Variants in RNF182 observed in about 807,000 individuals in gnomAD.
The protein encoded by RNF182 is E3 ubiquitin-protein ligase RNF182.
A neutral mutation model predicts 14.4 loss-of-function variants in RNF182; 15 were observed. The observed-to-expected ratio is 1.04, with a 90% confidence interval of 0.70 to 1.60. The LOEUF (loss-of-function observed/expected upper bound fraction) is 1.60, where lower values mean the gene tolerates loss of function less well. RNF182 is among the 40% of genes most tolerant of loss of function. The probability of loss-of-function intolerance (pLI) is 0.00; values close to 1 mark genes in which losing one functional copy is unlikely to be tolerated. For synonymous variants in RNF182, 128 were observed against 122.9 expected, an observed-to-expected ratio of 1.04 and a Z score of -0.27; for missense variants, 268 against 294.8, an observed-to-expected ratio of 0.91 and a Z score of 0.67.
chr6:13,965,327 T>C (rs921421717), intron 1 of RNF182, among the ~76,000 whole-genome samples: 2 of 151,302 alleles, frequency 1.3e-5, no homozygotes, highest in Admixed American at 6.6e-5. Context: ...CAAAAGAAAA[T>C]AGATCCAGGA....
chr6:13,926,148 T>A (rs1180104691), intron 1 of RNF182, among the ~76,000 whole-genome samples: 1 of 152,206 alleles, frequency 6.6e-6, no homozygotes, highest in Non-Finnish European at 1.5e-5. Flanking sequence ...TAATCTAACA[T>A]ATAAAATTGT....
At chr6:13,949,055 A>C (rs1759515417) in intron 1 of RNF182, 5 of 634,110 alleles carry the variant, frequency 7.9e-6, no homozygotes, top group Non-Finnish European at 1.4e-5. Context: ...AGATTTTCAC[A>C]AACCTTTTAT....
chr6:13,953,603 A>T (rs749998980), intron 1 of RNF182, among the ~76,000 whole-genome samples: 1 of 152,206 alleles, frequency 6.6e-6, no homozygotes, highest in Non-Finnish European at 1.5e-5. Flanking sequence ...GGCGTAAGTC[A>T]GGGCCACTTA....
chr6:13,977,469 C>T lies in RNF182; in HGVS notation c.350C>T (p.Ser117Phe). Residue 117 changes from serine (S) to phenylalanine (F), a missense_variant, in exon 3 of 3, where the codon TCT (serine) becomes TTT (phenylalanine). By Grantham distance (155) the Ser-to-Phe change is radical (BLOSUM62 -2). Transcript: ENST00000488300. Reference sequence around the variant, plus strand: ...CTGCTCACCCCCAAGAGGCTGGCCTCTCTGGTCAGTCCTTCTCACACGTCC... The same window carrying T: ...CTGCTCACCCCCAAGAGGCTGGCCTTTCTGGTCAGTCCTTCTCACACGTCC... ...ELLLTPKRLA[S>F]LVSPSHTSSN... is the part of the protein sequence containing the mutation. 1 of 1,614,186 alleles carries T rather than the reference C, an allele frequency of 6.2e-7. No homozygotes were observed. The highest frequency in any genetic ancestry group is 8.5e-7 in the Non-Finnish European group (1 of 1,180,022).
Position 13,979,184 on chromosome 6 carries a change from T to TCAA in RNF182, c.*1321_*1322insCAA, listed in dbSNP as rs1760429617. 1.5e-4 allele frequency: 25 copies of TCAA among 167,068 alleles called. No individual in the cohort carries two copies. The highest frequency in any genetic ancestry group is 1.3e-3 in the Admixed American group (20 of 15,286). The allele number at this position is 167,068 out of a possible 1,614,324, so 10.3% of individuals were successfully genotyped here. On this transcript the variant is annotated 3_prime_UTR_variant, in exon 3 of 3. Transcript: ENST00000488300. ...ATCTAGGTGATTTGAGTTAATGAAC[T>TCAA]TCTTTTCATGATGTAGGGAAAGTTG...
At chr6:13,951,495 C>G in intron 1 of RNF182, among the ~76,000 whole-genome samples, 1 of 152,192 alleles carries the variant, frequency 6.6e-6, no homozygotes. Context: ...TCCCAGTGTG[C>G]CAAGAGCAGA....
chr6:13,925,364 A>AG (rs1758798389), intron 1 of RNF182: 1 of 152,086 alleles, frequency 6.6e-6, no homozygotes, highest in South Asian at 2.1e-4. Flanking sequence ...GGGGGAAAAA[A>AG]AGGTATGAAA....
At chr6:13,976,114 T>G (rs1156383244) in intron 2 of RNF182, among the ~76,000 whole-genome samples, 2 of 152,232 alleles carry the variant, frequency 1.3e-5, no homozygotes, top group African/African-American at 4.8e-5. Flanking sequence ...ATGTTGAGTA[T>G]TTCTTCATAG....
chr6:13,937,008 C>T (rs1157212671), intron 1 of RNF182, among the ~76,000 whole-genome samples: 2 of 151,986 alleles, frequency 1.3e-5, no homozygotes, highest in Admixed American at 6.6e-5. Flanking sequence ...ATTAGGAAGA[C>T]GTTAAAATAT....
chr6:13,955,022 C>T (rs1326641360), intron 1 of RNF182, among the ~76,000 whole-genome samples: 2 of 152,136 alleles, frequency 1.3e-5, no homozygotes, highest in African/African-American at 4.8e-5. Context: ...CATCCGCCTC[C>T]TTATCTGTTT....
chr6:13,974,409 T>C (rs1185749870), intron 2 of RNF182, 45 bp downstream of exon 2: 5 of 152,204 alleles, frequency 3.3e-5, no homozygotes, highest in South Asian at 2.1e-4. Flanking sequence ...AGTATTTCCA[T>C]TGCACGTTAC....
chr6:13,965,267 G>A (rs191783907), intron 1 of RNF182, among the ~76,000 whole-genome samples: 100 of 152,266 alleles, frequency 6.6e-4, no homozygotes, highest in African/African-American at 2.1e-3. Flanking sequence ...TAGTTGGTCA[G>A]CTAGAAGAAT....
chr6:13,950,628 C>T (rs1336555164), intron 1 of RNF182, among the ~76,000 whole-genome samples: 1 of 151,560 alleles, frequency 6.6e-6, no homozygotes, highest in Non-Finnish European at 1.5e-5. Flanking sequence ...TCCCGAGTAC[C>T]TGGGATTACA....
intron 2 of RNF182, among the ~76,000 whole-genome samples, chr6:13,976,640 G>A (rs1303673996): frequency 1.3e-5 from 2 of 151,750 alleles, no homozygotes; most frequent in African/African-American, 2.4e-5. Context: ...GTATGTTCTA[G>A]AGCACATAGC....
intron 1 of RNF182, among the ~76,000 whole-genome samples, chr6:13,951,767 A>G (rs1471109850): frequency 2.0e-5 from 3 of 152,180 alleles, no homozygotes; most frequent in Non-Finnish European, 2.9e-5. Context: ...GCCACATTAT[A>G]AAAGAAAATC....
chr6:13,967,023 A>G (rs1760050478), intron 1 of RNF182, among the ~76,000 whole-genome samples: 1 of 152,020 alleles, frequency 6.6e-6, no homozygotes, highest in Admixed American at 6.6e-5. Flanking sequence ...GTTTTTGTAG[A>G]GACAGAGCTT....
chr6:13,970,202 G>T (rs1193902118), intron 1 of RNF182, among the ~76,000 whole-genome samples: 1 of 152,142 alleles, frequency 6.6e-6, no homozygotes, highest in Non-Finnish European at 1.5e-5. Context: ...TTGTTGCTAA[G>T]TATAGTCACC....
chr6:13,971,136 G>A (rs1163662134), intron 1 of RNF182, among the ~76,000 whole-genome samples: 2 of 152,062 alleles, frequency 1.3e-5, no homozygotes, highest in East Asian at 3.9e-4. Context: ...ATATGATTTG[G>A]CTCTGTTTCC....
chr6:13,949,027 C>T, intron 1 of RNF182: 1 of 570,542 alleles, frequency 1.8e-6, no homozygotes. Flanking sequence ...CACTCCTAAT[C>T]AGTTTGACCA....
Sources: allele counts gnomAD v4.1 joint callset (sites outside exome capture counted in the v4.1 genomes callset), GRCh38; gene constraint gnomAD v4.1.1; transcripts MANE v1.5; gene names NCBI Gene and HGNC (gene_info 2026-07-23, HGNC 2026-07-21).